The following NHEJ1 variants were observed in gnomAD, a reference collection of about 807,000 sequenced individuals.
NHEJ1 encodes the protein non-homologous end joining factor 1, also known as non-homologous end-joining factor 1.
A neutral mutation model predicts 39.4 loss-of-function variants in NHEJ1; 22 were observed. The ratio of observed to expected loss-of-function variants is 0.56; its 90% confidence interval spans 0.40 to 0.80. NHEJ1 has a LOEUF of 0.80. NHEJ1 is among the 30% of genes least tolerant of loss of function. The pLI, the probability that NHEJ1 is intolerant of heterozygous loss-of-function variation, is 0.00. For synonymous variants in NHEJ1, 154 were observed against 135.6 expected (o/e 1.14, Z -0.94); for missense variants, 329 against 357.1 (o/e 0.92, Z 0.63).
intron 3 of NHEJ1, among the ~76,000 whole-genome samples, chr2:219,149,488 T>G (rs1263000390): frequency 6.6e-6 from 1 of 152,012 alleles, no homozygotes; most frequent in Non-Finnish European, 1.5e-5. Flanking sequence ...TGGTGGCACA[T>G]GCCTGTAATC....
chr2:219,148,827 G>A (rs144160955), intron 3 of NHEJ1, among the ~76,000 whole-genome samples: 1 of 151,878 alleles, frequency 6.6e-6, no homozygotes, highest in East Asian at 1.9e-4. Flanking sequence ...ATAGAAGCAA[G>A]CCAGCTACCA....
At chr2:219,115,262 A>C (rs1026477427) in intron 5 of NHEJ1, among the ~76,000 whole-genome samples, 1 of 152,224 alleles carries the variant, frequency 6.6e-6, no homozygotes, top group African/African-American at 2.4e-5. Flanking sequence ...AAAAAAGAAG[A>C]AGAAAAGTCC....
intron 5 of NHEJ1, among the ~76,000 whole-genome samples, chr2:219,134,836 G>A (rs1005920031): frequency 1.3e-5 from 2 of 151,838 alleles, no homozygotes; most frequent in Admixed American, 6.6e-5. Context: ...TCAGGAGTTC[G>A]AGACCAGCCT....
At chr2:219,101,265 C>CA (rs1949257824) in intron 5 of NHEJ1, among the ~76,000 whole-genome samples, 2 of 152,128 alleles carry the variant, frequency 1.3e-5, no homozygotes, top group African/African-American at 2.4e-5. Context: ...CAGGCGCGTA[C>CA]CACCACATCT....
intron 5 of NHEJ1, among the ~76,000 whole-genome samples, chr2:219,105,506 C>G (rs564628295): frequency 6.6e-6 from 1 of 152,226 alleles, no homozygotes; most frequent in Non-Finnish European, 1.5e-5. Flanking sequence ...GGTCGCTGCT[C>G]TGCCACTGCC....
At chr2:219,113,987 C>A (rs1949388427) in intron 5 of NHEJ1, among the ~76,000 whole-genome samples, 1 of 152,148 alleles carries the variant, frequency 6.6e-6, no homozygotes, top group South Asian at 2.1e-4. Flanking sequence ...AAAACCAATG[C>A]CTTAGACAGG....
intron 5 of NHEJ1, among the ~76,000 whole-genome samples, chr2:219,129,225 G>A (rs758899117): frequency 6.6e-6 from 1 of 152,186 alleles, no homozygotes; most frequent in African/African-American, 2.4e-5. Flanking sequence ...GTAAAACAGT[G>A]CACCTATGCA....
chr2:219,094,230 T>A (rs1220902614), intron 5 of NHEJ1, among the ~76,000 whole-genome samples: 1 of 152,098 alleles, frequency 6.6e-6, no homozygotes, highest in Non-Finnish European at 1.5e-5. Flanking sequence ...TGGGGAAAAT[T>A]AAGCAGGACT....
chr2:219,093,754 C>T (rs1206540437), intron 5 of NHEJ1, among the ~76,000 whole-genome samples: 1 of 152,196 alleles, frequency 6.6e-6, no homozygotes, highest in Non-Finnish European at 1.5e-5. Context: ...ATTATATGTT[C>T]TATTGTGTGT....
At chr2:219,093,577 G>A (rs1378739016) in intron 5 of NHEJ1, among the ~76,000 whole-genome samples, 1 of 151,822 alleles carries the variant, frequency 6.6e-6, no homozygotes, top group Non-Finnish European at 1.5e-5. Flanking sequence ...CTTCTGTGGA[G>A]AAGGGAACAG....
intron 5 of NHEJ1, among the ~76,000 whole-genome samples, chr2:219,129,045 G>T (rs1949551476): frequency 6.6e-6 from 1 of 152,212 alleles, no homozygotes; most frequent in Admixed American, 6.5e-5. Context: ...GCCATGGTAT[G>T]CTGTACCAAA....
intron 5 of NHEJ1, among the ~76,000 whole-genome samples, chr2:219,101,208 G>A (rs896821123): frequency 3.9e-5 from 6 of 152,086 alleles, no homozygotes; most frequent in African/African-American, 1.2e-4. Flanking sequence ...TCTGCCTCCC[G>A]GGTTCAAGCA....
At chr2:219,124,822 T>C (rs897205658) in intron 5 of NHEJ1, 1 of 152,066 alleles carries the variant, frequency 6.6e-6, no homozygotes, top group Non-Finnish European at 1.5e-5. Flanking sequence ...ACAAATATAG[T>C]GCTGCTTTAT....
Position 219,142,362 on chromosome 2 carries a change from A to G in NHEJ1, c.588+4318T>C, listed in dbSNP as rs1017426326. 3.3e-5 allele frequency among the ~76,000 whole-genome samples: 5 copies of G among 152,272 alleles called. No individual in the cohort carries two copies. In the South Asian group the frequency reaches 6.2e-4, roughly 19 times the overall value. On this transcript the variant is annotated intron_variant, in intron 5 of 7. Transcript: ENST00000356853. Reference sequence around the variant, plus strand: ...CCTAGCCAGGGGTTGCCAGCTGTAGAGGGCGGGGCTCTATTTTGGGCTGCC... The same window carrying G: ...CCTAGCCAGGGGTTGCCAGCTGTAGGGGGCGGGGCTCTATTTTGGGCTGCC...
intron 5 of NHEJ1, among the ~76,000 whole-genome samples, chr2:219,127,450 T>C (rs565133666): frequency 1.3e-5 from 2 of 152,194 alleles, no homozygotes; most frequent in Non-Finnish European, 2.9e-5. Flanking sequence ...CCTGGGATAT[T>C]AGCCTCTTTT....
At chr2:219,085,928 C>A (rs1454168872) in intron 5 of NHEJ1, among the ~76,000 whole-genome samples, 1 of 152,130 alleles carries the variant, frequency 6.6e-6, no homozygotes, top group South Asian at 2.1e-4. Flanking sequence ...CAGTTTGAGA[C>A]AAAGTCCAGG....
rs911160088 is a variant in NHEJ1, at chr2:219,072,066, T to C, written c.*4315A>G. ...AGATCAAGAAAGATGGACTTCTAGA[T>C]GTTCAAATAGAGAAGGATTCCCTAT... On this transcript the variant is annotated 3_prime_UTR_variant, in exon 8 of 8. Transcript: ENST00000356853. Among the ~76,000 whole-genome samples the C allele has an allele frequency of 2.6e-5, 4 of 152,204 alleles. No individual in the cohort carries two copies. The highest frequency in any genetic ancestry group is 4.4e-5 in the Non-Finnish European group (3 of 68,028).
At chr2:219,124,389 T>G (rs1383947565) in intron 5 of NHEJ1, among the ~76,000 whole-genome samples, 1 of 152,086 alleles carries the variant, frequency 6.6e-6, no homozygotes, top group Non-Finnish European at 1.5e-5. Context: ...CTGACCGTTT[T>G]GAAATTTGCC....
chr2:219,103,004 CAAAAAAAAAA>C (rs34361973), intron 5 of NHEJ1, among the ~76,000 whole-genome samples: 29 of 31,586 alleles, frequency 9.2e-4, no homozygotes, highest in Admixed American at 3.0e-3. Flanking sequence ...GACTCCGTCT[CAAAAAAAAAA>C]AAAAAAAAAA....
Sources: allele counts gnomAD v4.1 joint callset (sites outside exome capture counted in the v4.1 genomes callset), GRCh38; gene constraint gnomAD v4.1.1; transcripts MANE v1.5; gene names NCBI Gene and HGNC (gene_info 2026-07-23, HGNC 2026-07-21).